The following GRIK5 variants were observed in gnomAD, a reference collection of about 807,000 sequenced individuals.
GRIK5 encodes the protein glutamate ionotropic receptor kainate type subunit 5, also known as glutamate receptor ionotropic, kainate 5.
A neutral mutation model predicts 97.4 loss-of-function variants in GRIK5; 43 were observed. The ratio of observed to expected loss-of-function variants is 0.44; its 90% CI spans 0.35 to 0.57. GRIK5 has a LOEUF of 0.57. Among genes scored for constraint, GRIK5 ranks in the 20% least tolerant of loss-of-function variants. The pLI, the probability that GRIK5 is intolerant of heterozygous loss-of-function variation, is 0.01. For missense variants in GRIK5, 1,015 were observed against 1,382.0 expected (o/e 0.73, Z 4.21); for synonymous variants, 580 against 583.5 (o/e 0.99, Z 0.09).
chr19:42,041,463 T>C (rs2075976639), intron 12 of GRIK5, among the ~76,000 whole-genome samples: 1 of 152,222 alleles, frequency 6.6e-6, no homozygotes, highest in Admixed American at 6.5e-5. Context: ...GTGAGGTACT[T>C]GTCCCCACGT....
In GRIK5 at chr19:42,003,534, A is replaced by G; in HGVS notation, c.2392+21T>C. The stretch of plus-strand genomic sequence containing the variant: ...GCTGGGAGGGGGCTATGGGAAGGGG[A>G]CACCATACGCGGGAACTGACCTTTA... On this transcript the variant is annotated intron_variant, in intron 18 of 19. Coordinates refer to ENST00000593562, the MANE Select transcript of GRIK5 (RefSeq NM_002088.5). The surrounding 1 kb of genome is among the most constrained non-coding windows in gnomAD (Gnocchi z 4.2). The G allele has an allele frequency of 6.2e-7, 1 of 1,606,512 alleles. No homozygotes were observed. Among genetic ancestry groups the G allele is most frequent in the Non-Finnish European group, 8.5e-7 (1 of 1,175,220 alleles).
At chr19:42,068,251 C>A (rs866638803) in intron 1 of GRIK5, among the ~76,000 whole-genome samples, 1 of 152,030 alleles carries the variant, frequency 6.6e-6, no homozygotes, top group Admixed American at 6.5e-5. Context: ...AGGGCAAGCA[C>A]CTGCAGGAGA....
In GRIK5 at chr19:42,022,849, G is replaced by C. The variant is rs1408564930; in HGVS notation, c.1474-495C>G. Among the ~76,000 whole-genome samples the C allele has an allele frequency of 2.6e-5, 4 of 151,972 alleles. No homozygotes were observed. Among genetic ancestry groups the C allele is most frequent in the Admixed American group, 6.6e-5 (1 of 15,236 alleles). On this transcript the variant is annotated intron_variant, in intron 12 of 19. Coordinates refer to ENST00000593562, the MANE Select transcript of GRIK5 (RefSeq NM_002088.5). The surrounding 1 kb of genome is among the most constrained non-coding windows in gnomAD (Gnocchi z 4.2). Reference sequence around the variant, plus strand: ...CCACAGCCAGTGGAGACATAACCCAGGCCCCGGCCCAGTGTATAGTCAGGG... The same window carrying C: ...CCACAGCCAGTGGAGACATAACCCACGCCCCGGCCCAGTGTATAGTCAGGG...
rs112913872 is a variant in GRIK5, at chr19:42,024,332, C to T, written c.1474-1978G>A. On this transcript the variant is annotated intron_variant, in intron 12 of 19. Coordinates refer to ENST00000593562, the MANE Select transcript of GRIK5 (RefSeq NM_002088.5). ...GGTTCAAGCAATTCTCCTGCCTCAG[C>T]CTCCCGAGTAGCTGGGATTACAGGG... 2.4e-3 allele frequency among the ~76,000 whole-genome samples: 363 copies of T among 152,130 alleles called. 6 individuals carry two copies. The highest frequency in any genetic ancestry group is 8.2e-3 in the African/African-American group (341 of 41,510).
rs185277003 is a variant in GRIK5, at chr19:42,056,618, T to C, written c.903+44A>G. ...TCTGAAAGGGGGCCCCAGAAGTATC[T>C]GTGCAGAGTGTTTCTGGGTGTGACT... On this transcript the variant is annotated intron_variant, in intron 8 of 19. Transcript: ENST00000593562. The C allele has an allele frequency of 8.1e-4, 1,270 of 1,573,352 alleles. 8 individuals carry two copies. The highest frequency in any genetic ancestry group is 6.4e-3 in the East Asian group (284 of 44,594).
rs187961095 is a variant in GRIK5, at chr19:42,052,475, G to C, written c.1269+1127C>G. Among the ~76,000 whole-genome samples the C allele has an allele frequency of 1.2e-3, 176 of 152,316 alleles. 2 individuals are homozygous for C. Among genetic ancestry groups the C allele is most frequent in the Non-Finnish European group, 3.7e-4 (25 of 68,016 alleles). On this transcript the variant is annotated intron_variant, in intron 11 of 19. Coordinates refer to ENST00000593562, the MANE Select transcript of GRIK5 (RefSeq NM_002088.5). ...ACAGGATCACTGGCCCTGCTCCAGA[G>C]GGACTCGAGGTCCATTTTAGATCAG...
Position 42,065,575 on chromosome 19 carries a change from G to T in GRIK5, c.79+117C>A. 2.0e-6 allele frequency: 2 copies of T among 1,022,512 alleles called. No individual in the cohort carries two copies. The highest frequency in any genetic ancestry group is 2.9e-6 in the Non-Finnish European group (2 of 697,800). 63.3% of individuals were successfully genotyped at this position (1,022,512 alleles called of 1,614,324 possible). A position where few individuals can be genotyped will look rare whatever the true frequency, so the allele number is the denominator to read the frequency against. ...CTGGGGGAAGGAGGAACTGGAGGCT[G>T]GGATTCCTTGCTGCTGAAGAGAGCT... On this transcript the variant is annotated intron_variant, in intron 2 of 19. Coordinates refer to ENST00000593562, the MANE Select transcript of GRIK5 (RefSeq NM_002088.5). This position sits in a 1 kb window ranked among gnomAD's most constrained non-coding sequence, Gnocchi z 5.8.
intron 8 of GRIK5, 62 bp from the exon 9 acceptor site, chr19:42,054,534 A>G (rs1208970963): frequency 6.3e-7 from 1 of 1,575,964 alleles, no homozygotes; most frequent in East Asian, 2.3e-5. Context: ...AGGAGCCCCA[A>G]AGGCCCCTGA....
chr19:42,052,349 C>T (rs74560136), intron 11 of GRIK5, among the ~76,000 whole-genome samples: 13,723 of 152,094 alleles, frequency 0.09, 806 homozygotes, highest in Middle Eastern at 0.16. Context: ...CACACCACAG[C>T]ACAGAGGGTC....
chr19:42,049,745 T>C (rs772963237), intron 11 of GRIK5, among the ~76,000 whole-genome samples: 4 of 152,124 alleles, frequency 2.6e-5, no homozygotes, highest in Non-Finnish European at 4.4e-5. Context: ...GTATGTGTGT[T>C]ACACTTCAGT....
intron 12 of GRIK5, among the ~76,000 whole-genome samples, chr19:42,030,169 T>C (rs2075824537): frequency 6.6e-6 from 1 of 152,054 alleles, no homozygotes; most frequent in Non-Finnish European, 1.5e-5. Flanking sequence ...TGGAGCTGGG[T>C]TTTGTTTTGT....
At chr19:42,005,978 G>C in intron 16 of GRIK5, 30 bp from the exon 17 acceptor site, 1 of 1,156,414 alleles carries the variant, frequency 8.6e-7, no homozygotes, top group East Asian at 2.5e-5. Flanking sequence ...GGGGAAGATG[G>C]GAGGGTCTTT....
At position 42,069,354 on chromosome 19, in the gene GRIK5, G is replaced by C. The variant is rs2076390885; in HGVS notation, c.-164C>G. ...GGCGGGGGGAGAGGGCAGTCCACAGGGCCCCCTCCCCCGCCGCCGGTGGTG... is the reference window on the plus strand; with the variant it reads ...GGCGGGGGGAGAGGGCAGTCCACAGCGCCCCCTCCCCCGCCGCCGGTGGTG... On this transcript the variant is annotated 5_prime_UTR_variant, in exon 1 of 20. Transcript: ENST00000593562. 1 of 159,854 alleles carries C rather than the reference G, an allele frequency of 6.3e-6. No homozygotes were observed. Among genetic ancestry groups the C allele is most frequent in the Admixed American group, 6.5e-5 (1 of 15,464 alleles). 9.9% of individuals were successfully genotyped at this position (159,854 alleles called of 1,614,324 possible).
chr19:42,019,208 A>C (rs1345859339), intron 15 of GRIK5, among the ~76,000 whole-genome samples: 2 of 152,106 alleles, frequency 1.3e-5, no homozygotes, highest in Non-Finnish European at 2.9e-5. Context: ...ACGCCACTAG[A>C]TTTGTCATGG....
intron 19 of GRIK5, chr19:42,001,875 T>C: frequency 1.9e-6 from 1 of 532,054 alleles, no homozygotes; most frequent in Non-Finnish European, 3.3e-6. Flanking sequence ...AAGAGCCATT[T>C]GGCTGGTGGG....
intron 1 of GRIK5, among the ~76,000 whole-genome samples, chr19:42,066,249 G>C (rs2076330426): frequency 1.3e-5 from 2 of 152,102 alleles, no homozygotes; most frequent in Non-Finnish European, 2.9e-5. Context: ...CGGCTGGAGA[G>C]GATGCGGTGG....
rs1462349330 is a variant in GRIK5 at position 42,042,777 on chromosome 19, G to C, written c.1270-22C>G. On this transcript the variant is annotated intron_variant, in intron 11 of 19. Transcript: ENST00000593562. The surrounding 1 kb of genome is among the most constrained non-coding windows in gnomAD (Gnocchi z 6.9). ...TCTCCTGGGTGGGCAGAAGAAAGCA[G>C]GGGTCAGAGGCTGGGTGTCTAGTGG... is the stretch of plus-strand genomic sequence containing the variant. The C allele has an allele frequency of 6.3e-7, 1 of 1,596,254 alleles. No homozygotes were observed. Among genetic ancestry groups the C allele is most frequent in the South Asian group, 1.1e-5 (1 of 89,930 alleles).
Position 42,003,304 on chromosome 19 carries a change from T to TGGGC in GRIK5, c.2514+27_2514+28insGCCC. 2 of 1,578,372 alleles carry TGGGC rather than the reference T, an allele frequency of 1.3e-6. No individual in the cohort carries two copies. Among genetic ancestry groups the TGGGC allele is most frequent in the Non-Finnish European group, 1.7e-6 (2 of 1,151,128 alleles). On this transcript the variant is annotated intron_variant, in intron 19 of 19. Coordinates refer to ENST00000593562, the MANE Select transcript of GRIK5 (RefSeq NM_002088.5). The surrounding 1 kb of genome is among the most constrained non-coding windows in gnomAD (Gnocchi z 4.2). ...CTCAGCCCCTGGGGGTCCCTGTTCCTGCCCACCCCCACCCCCAGCCTCCTC... is the reference window on the plus strand; with the variant it reads ...CTCAGCCCCTGGGGGTCCCTGTTCCTGGGCGCCCACCCCCACCCCCAGCCTCCTC...
At chr19:42,001,926 C>CT (rs1183284249) in intron 19 of GRIK5, 13 of 594,392 alleles carry the variant, frequency 2.2e-5, no homozygotes, top group Non-Finnish European at 3.0e-6. Context: ...GAGAAGCAGT[C>CT]TAAGGACTGA....
Sources: allele counts gnomAD v4.1 joint callset (sites outside exome capture counted in the v4.1 genomes callset), GRCh38; gene constraint gnomAD v4.1.1; non-coding constraint Gnocchi (gnomAD v3.1); transcripts MANE v1.5; gene names NCBI Gene and HGNC (gene_info 2026-07-23, HGNC 2026-07-21).